The following ANO2 variants were observed in gnomAD, a reference collection of about 807,000 sequenced individuals.
The protein encoded by ANO2 is anoctamin 2.
A neutral mutation model predicts 124.2 loss-of-function variants in ANO2; 101 were observed. That is an observed-to-expected ratio of 0.81 (90% CI 0.69 to 0.96). The LOEUF (loss-of-function observed/expected upper bound fraction) is 0.96, where lower values mean the gene tolerates loss of function less well. Among genes scored for constraint, ANO2 ranks in the 40% least tolerant of loss-of-function variants. The pLI is 0.00. For synonymous variants in ANO2, 486 were observed against 482.5 expected (o/e 1.01, Z -0.09); for missense variants, 1,293 against 1,274.5 (o/e 1.01, Z -0.22).
intron 15 of ANO2, among the ~76,000 whole-genome samples, chr12:5,637,197 C>T (rs998832484): frequency 6.6e-6 from 1 of 152,134 alleles, no homozygotes; most frequent in Non-Finnish European, 1.5e-5. Flanking sequence ...CTTCCCATTT[C>T]TCTGGGATTG....
chr12:5,837,297 T>TC (rs1303630720), intron 4 of ANO2, among the ~76,000 whole-genome samples: 6 of 136,954 alleles, frequency 4.4e-5, no homozygotes, highest in African/African-American at 1.6e-4. Context: ...AGATTTCTTT[T>TC]TTTTTTTTTT....
chr12:5,702,916 G>A (rs73271279), intron 14 of ANO2, among the ~76,000 whole-genome samples: 20,927 of 152,060 alleles, frequency 0.14, 1,537 homozygotes, highest in Middle Eastern at 0.23. Flanking sequence ...GTGCTGATGG[G>A]GTTATAAATT....
chr12:5,570,482 T>C (rs962619388), intron 23 of ANO2, among the ~76,000 whole-genome samples: 1 of 152,106 alleles, frequency 6.6e-6, no homozygotes, highest in Non-Finnish European at 1.5e-5. Flanking sequence ...AAAAGAATCT[T>C]TGAAGATTTT....
chr12:5,835,234 C>A (rs1954280109), intron 4 of ANO2, among the ~76,000 whole-genome samples: 1 of 152,162 alleles, frequency 6.6e-6, no homozygotes, highest in South Asian at 2.1e-4. Flanking sequence ...TTTGCTTGGA[C>A]AAAGGGGTTC....
At chr12:5,739,225 A>T in intron 13 of ANO2, 92 bp downstream of exon 13, 1 of 1,190,888 alleles carries the variant, frequency 8.4e-7, no homozygotes, top group Non-Finnish European at 1.2e-6. Context: ...CAGCAAACAT[A>T]CATGGTTATC....
intron 10 of ANO2, among the ~76,000 whole-genome samples, chr12:5,757,090 T>G (rs1182734268): frequency 6.6e-6 from 1 of 152,240 alleles, no homozygotes; most frequent in Admixed American, 6.5e-5. Context: ...TTCTAGGTCT[T>G]GAGCTCCACC....
At chr12:5,681,769 A>G (rs542118336) in intron 14 of ANO2, among the ~76,000 whole-genome samples, 1 of 152,206 alleles carries the variant, frequency 6.6e-6, no homozygotes, top group African/African-American at 2.4e-5. Context: ...TGAGTCAACA[A>G]GCTATTAAGC....
In ANO2 at chr12:5,787,069, A is replaced by G. The variant is rs1168915993; in HGVS notation, c.1055+12438T>C. On this transcript the variant is annotated intron_variant, in intron 10 of 24. Transcript: ENST00000682330. The surrounding 1 kb of genome is among the most constrained non-coding windows in gnomAD (Gnocchi z 4.2). ...ATAGGTTAGTTATGATGTCAGGGGG[A>G]TGAGGAGAGGAAGACAAAAGAGGCT... 6.6e-6 allele frequency among the ~76,000 whole-genome samples: 1 copy of G among 152,008 alleles called. No homozygotes were observed. The highest frequency in any genetic ancestry group is 1.5e-5 in the Non-Finnish European group (1 of 67,996).
chr12:5,595,747 G>C (rs1943628580), intron 20 of ANO2, among the ~76,000 whole-genome samples: 1 of 152,162 alleles, frequency 6.6e-6, no homozygotes, highest in Non-Finnish European at 1.5e-5. Flanking sequence ...AGAGGAACTG[G>C]GGCTTGACCT....
intron 10 of ANO2, among the ~76,000 whole-genome samples, chr12:5,756,254 C>G (rs1345056094): frequency 6.6e-6 from 1 of 151,908 alleles, no homozygotes; most frequent in Non-Finnish European, 1.5e-5. Flanking sequence ...ATTTTGTTGA[C>G]ATGTTATACT....
chr12:5,914,501 G>A (rs73047658), intron 3 of ANO2, among the ~76,000 whole-genome samples: 1,680 of 152,198 alleles, frequency 0.011, 18 homozygotes, highest in Middle Eastern at 0.037. Flanking sequence ...TCCACCTCCC[G>A]AAAGCAGCTG....
chr12:5,834,919 T>A (rs1039161900), intron 4 of ANO2, among the ~76,000 whole-genome samples: 3 of 151,600 alleles, frequency 2.0e-5, no homozygotes, highest in African/African-American at 7.3e-5. Flanking sequence ...TATAATTTGC[T>A]TTTTTTTCAT....
chr12:5,634,669 G>A (rs935719482), intron 16 of ANO2, among the ~76,000 whole-genome samples: 3 of 152,168 alleles, frequency 2.0e-5, no homozygotes, highest in Admixed American at 1.3e-4. Flanking sequence ...TCAGTGCCTG[G>A]GGAATGTGTG....
At chr12:5,831,285 C>T (rs1238670379) in intron 5 of ANO2, among the ~76,000 whole-genome samples, 4 of 152,318 alleles carry the variant, frequency 2.6e-5, no homozygotes, top group East Asian at 3.9e-4. Flanking sequence ...GAGGGTGAAG[C>T]GCGTGCTTCT....
chr12:5,945,310 C>T (rs1344798588), upstream of ANO2: 10 of 1,067,766 alleles, frequency 9.4e-6, no homozygotes, highest in Non-Finnish European at 1.1e-5. Flanking sequence ...TCAGCTCCGT[C>T]CCGGCGCGCC....
In ANO2 at chr12:5,695,494, G is replaced by A. The variant is rs116857497; in HGVS notation, c.1545+37026C>T. On this transcript the variant is annotated intron_variant, in intron 14 of 24. Coordinates refer to ENST00000682330, the MANE Select transcript of ANO2 (RefSeq NM_001364791.2). ...ATGCAAGTAAATTAGAAATAGCCAG[G>A]ATACAAACCTATCCACCCCTACATC... 7.9e-3 allele frequency among the ~76,000 whole-genome samples: 1,198 copies of A among 152,146 alleles called. 13 individuals carry two copies. The highest frequency in any genetic ancestry group is 0.013 in the Non-Finnish European group (865 of 68,014).
chr12:5,620,262 G>A (rs531942014), intron 16 of ANO2, among the ~76,000 whole-genome samples: 1 of 152,308 alleles, frequency 6.6e-6, no homozygotes, highest in East Asian at 1.9e-4. Flanking sequence ...GTGGAGAAAG[G>A]CAGCAGAGCC....
chr12:5,721,637 C>T (rs968266466), intron 14 of ANO2, among the ~76,000 whole-genome samples: 2 of 152,142 alleles, frequency 1.3e-5, no homozygotes, highest in Admixed American at 6.5e-5. Flanking sequence ...TCCCGAGTAG[C>T]TGGAACTACA....
chr12:5,675,042 C>T (rs948139398), intron 14 of ANO2, among the ~76,000 whole-genome samples: 2 of 152,110 alleles, frequency 1.3e-5, no homozygotes, highest in African/African-American at 4.8e-5. Flanking sequence ...GGGGGGTTGC[C>T]TGTTGTGTTC....
Sources: gnomAD v4.1 joint callset for allele counts (sites outside exome capture counted in the v4.1 genomes callset) on GRCh38, gnomAD v4.1.1 for gene constraint, Gnocchi (gnomAD v3.1) non-coding constraint, MANE v1.5 for transcripts, NCBI Gene and HGNC (gene_info 2026-07-23, HGNC 2026-07-21) for gene names.